Variants in MECOM observed in about 807,000 individuals in gnomAD.
MECOM encodes the protein MDS1 and EVI1 complex locus.
Under a neutral mutation model 116.3 loss-of-function variants are expected in MECOM, and 13 were observed. The observed-to-expected ratio is 0.11, with a 90% CI of 0.07 to 0.18. MECOM has a LOEUF of 0.18. Among genes scored for constraint, MECOM ranks in the 10% least tolerant of loss-of-function variants. The probability of loss-of-function intolerance (pLI) is 1.00; values close to 1 mark genes in which losing one functional copy is unlikely to be tolerated. For missense variants in MECOM, 1,299 were observed against 1,509.0 expected, an observed-to-expected ratio of 0.86 and a Z score of 2.31; for synonymous variants, 528 against 535.2, an observed-to-expected ratio of 0.99 and a Z score of 0.19.
chr3:169,372,294 CTT>C (rs1440832005), intron 2 of MECOM, among the ~76,000 whole-genome samples: 9 of 152,202 alleles, frequency 5.9e-5, no homozygotes, highest in Admixed American at 4.6e-4. Context: ...CAACAACTGA[CTT>C]ATACTTGCAG....
In MECOM at chr3:169,472,533, A is replaced by AAAAGG. The variant is rs1553863165; in HGVS notation, c.38-91014_38-91010dup. Among the ~76,000 whole-genome samples, 36 of 85,160 alleles carry AAAAGG rather than the reference A, an allele frequency of 4.2e-4. 1 individual carries two copies. The highest frequency in any genetic ancestry group is 7.3e-4 in the South Asian group (2 of 2,746). 55.9% of individuals were successfully genotyped at this position (85,160 alleles called of 152,430 possible). A position where few individuals can be genotyped will look rare whatever the true frequency, so the allele number is the denominator to read the frequency against. ...GAAAGGAAAGGAAAGAAAAGAAAAG[A>AAAAGG]AAAGGAAAGGAAAGGAAAAGAAAAG... On this transcript the variant is annotated intron_variant, in intron 1 of 16. Coordinates refer to ENST00000651503, the MANE Select transcript of MECOM (RefSeq NM_004991.4).
chr3:169,300,028 C>A (rs1217130017), intron 2 of MECOM, among the ~76,000 whole-genome samples: 3 of 152,164 alleles, frequency 2.0e-5, no homozygotes, highest in African/African-American at 7.2e-5. Flanking sequence ...CCTTGCAAAA[C>A]TTAAGGGACT....
intron 2 of MECOM, among the ~76,000 whole-genome samples, chr3:169,167,621 C>G (rs1418972814): frequency 6.6e-6 from 1 of 152,184 alleles, no homozygotes; most frequent in Non-Finnish European, 1.5e-5. Flanking sequence ...CCACCATCTT[C>G]TAACTCCTCC....
At chr3:169,433,555 AAAG>A (rs1165601365) in intron 1 of MECOM, among the ~76,000 whole-genome samples, 43 of 150,066 alleles carry the variant, frequency 2.9e-4, no homozygotes, top group African/African-American at 1.0e-3. Flanking sequence ...GAAAAGAAAG[AAAG>A]AGGAAGGAAG....
At chr3:169,326,790 C>G (rs1394708009) in intron 2 of MECOM, among the ~76,000 whole-genome samples, 5 of 152,154 alleles carry the variant, frequency 3.3e-5, no homozygotes, top group East Asian at 3.9e-4. Flanking sequence ...ACAAAATTCT[C>G]TCTTTTCAGT....
chr3:169,147,249 G>A (rs1473517302), intron 2 of MECOM: 2 of 985,420 alleles, frequency 2.0e-6, no homozygotes, highest in East Asian at 1.1e-4. Flanking sequence ...TGAAAAGGTG[G>A]GGGGCCTGGG....
At chr3:169,317,493 C>T (rs1719967038) in intron 2 of MECOM, among the ~76,000 whole-genome samples, 1 of 152,204 alleles carries the variant, frequency 6.6e-6, no homozygotes, top group Admixed American at 6.5e-5. Flanking sequence ...AAGTTCTCAA[C>T]AGCTCAGAGA....
chr3:169,423,736 G>A (rs1740164109), intron 1 of MECOM, among the ~76,000 whole-genome samples: 1 of 152,008 alleles, frequency 6.6e-6, no homozygotes, highest in African/African-American at 2.4e-5. Flanking sequence ...TGAGGTCTGG[G>A]GGAGACTCAT....
intron 2 of MECOM, among the ~76,000 whole-genome samples, chr3:169,226,703 T>C (rs1560017049): frequency 1.3e-5 from 2 of 152,160 alleles, no homozygotes; most frequent in Admixed American, 6.5e-5. Context: ...TTATAAACAA[T>C]GATCAATAAT....
chr3:169,385,028 C>A (rs977361360), intron 1 of MECOM, among the ~76,000 whole-genome samples: 2 of 143,864 alleles, frequency 1.4e-5, no homozygotes, highest in Non-Finnish European at 3.0e-5. Context: ...TGCTTGAGCC[C>A]GGGAGACAGA....
intron 2 of MECOM, among the ~76,000 whole-genome samples, chr3:169,272,513 A>C (rs1310999083): frequency 1.3e-5 from 2 of 152,180 alleles, no homozygotes; most frequent in African/African-American, 2.4e-5. Context: ...TAGAAAAAAA[A>C]TTATATATTA....
At chr3:169,252,176 G>A (rs1053304772) in intron 2 of MECOM, among the ~76,000 whole-genome samples, 6 of 152,074 alleles carry the variant, frequency 3.9e-5, no homozygotes, top group Admixed American at 6.6e-5. Context: ...AAAATGTTTT[G>A]TAAAATATCA....
At chr3:169,311,677 T>G (rs1718791865) in intron 2 of MECOM, among the ~76,000 whole-genome samples, 1 of 123,644 alleles carries the variant, frequency 8.1e-6, no homozygotes, top group Non-Finnish European at 1.7e-5. Context: ...TCTTTTACAT[T>G]TTACTCTTTT....
intron 1 of MECOM, among the ~76,000 whole-genome samples, chr3:169,647,830 G>A (rs1032913343): frequency 1.3e-5 from 2 of 152,092 alleles, no homozygotes; most frequent in African/African-American, 2.4e-5. Context: ...TACGCTTGAG[G>A]ACACTGAGGC....
chr3:169,183,761 TACACACACACACACACACACACACAC>T lies in MECOM; in HGVS notation c.376-39955_376-39930del, dbSNP rs71166249. On this transcript the variant is annotated intron_variant, in intron 2 of 16. Transcript: ENST00000651503. ...TTAAGGACTGTAGAAGATACATACA[TACACACACACACACACACACACACAC>T]ACACACACACACACACACACACACA... Among the ~76,000 whole-genome samples the T allele has an allele frequency of 2.5e-3, 294 of 118,762 alleles. 2 individuals are homozygous for T. The highest frequency in any genetic ancestry group is 9.7e-3 in the South Asian group (31 of 3,194). 77.9% of individuals were successfully genotyped at this position (118,762 alleles called of 152,430 possible).
In MECOM at chr3:169,272,077, C is replaced by T. The variant is rs114216193; in HGVS notation, c.375+109110G>A. Reference sequence around the variant, plus strand: ...TTCTAAAAATCTGGCTGGAAACCTGCATGATCGAATACCCCACTCATGACA... The same window carrying T: ...TTCTAAAAATCTGGCTGGAAACCTGTATGATCGAATACCCCACTCATGACA... On this transcript the variant is annotated intron_variant, in intron 2 of 16. Coordinates refer to ENST00000651503, the MANE Select transcript of MECOM (RefSeq NM_004991.4). Among the ~76,000 whole-genome samples, 187 of 152,314 alleles carry T rather than the reference C, an allele frequency of 1.2e-3. 2 individuals carry two copies. Among genetic ancestry groups the T allele is most frequent in the African/African-American group, 4.2e-3 (173 of 41,564 alleles).
At chr3:169,184,691 C>G (rs1746475317) in intron 2 of MECOM, among the ~76,000 whole-genome samples, 1 of 152,050 alleles carries the variant, frequency 6.6e-6, no homozygotes. Flanking sequence ...GAGCAGAACA[C>G]AGTGAGAAAC....
intron 1 of MECOM, among the ~76,000 whole-genome samples, chr3:169,635,698 C>T (rs34311223): frequency 0.25 from 38,205 of 152,222 alleles, 5,122 homozygotes; most frequent in Non-Finnish European, 0.32. Context: ...CTCTGGCTGT[C>T]AGTGTGCTTC....
chr3:169,595,972 T>C (rs999788656), intron 1 of MECOM, among the ~76,000 whole-genome samples: 25 of 152,110 alleles, frequency 1.6e-4, no homozygotes, highest in African/African-American at 5.8e-4. Context: ...AGCACACCAA[T>C]AATAAGAATA....
Sources: allele counts gnomAD v4.1 joint callset (sites outside exome capture counted in the v4.1 genomes callset), GRCh38; gene constraint gnomAD v4.1.1; transcripts MANE v1.5; gene names NCBI Gene and HGNC (gene_info 2026-07-23, HGNC 2026-07-21).